DGLUCY: variants seen among roughly 807,000 people sequenced by gnomAD.
DGLUCY encodes the protein D-glutamate cyclase.
In DGLUCY, 58 loss-of-function variants were observed where a neutral mutation model predicts 58.5. The observed-to-expected ratio is 0.99, with a 90% CI of 0.80 to 1.23. DGLUCY has a LOEUF of 1.23. Ranked by LOEUF, DGLUCY falls within the 50% of genes most tolerant of loss-of-function variation. The pLI, the probability that DGLUCY is intolerant of heterozygous loss-of-function variation, is 0.00. For synonymous variants in DGLUCY, 325 were observed against 314.1 expected, an observed-to-expected ratio of 1.03 and a Z score of -0.37; for missense variants, 779 against 784.7, an observed-to-expected ratio of 0.99 and a Z score of 0.09.
At chr14:91,155,968 C>A (rs1158263481) in intron 1 of DGLUCY, among the ~76,000 whole-genome samples, 1 of 152,138 alleles carries the variant, frequency 6.6e-6, no homozygotes, top group African/African-American at 2.4e-5. Flanking sequence ...ACCACTGATA[C>A]CAAGCTCTTC....
chr14:91,087,208 G>A (rs182443346), intron 1 of DGLUCY, among the ~76,000 whole-genome samples: 22 of 152,282 alleles, frequency 1.4e-4, no homozygotes, highest in Admixed American at 4.6e-4. Context: ...CATCTTCTCT[G>A]TGCCTAGAAT....
rs139315321 is a variant in DGLUCY, at chr14:91,082,375, G to A, written c.-82+21671G>A. On this transcript the variant is annotated intron_variant, in intron 1 of 4. Transcript: ENST00000521334. ...TTCGCTTTGACTCTGTTGTTCTTGG[G>A]CTTGTGTTTGGAGGCCTTATCGAAA... Among the ~76,000 whole-genome samples the A allele has an allele frequency of 5.1e-4, 77 of 152,232 alleles. 1 individual carries two copies. The highest frequency in any genetic ancestry group is 1.8e-3 in the African/African-American group (74 of 41,544).
At chr14:91,084,028 G>T (rs2044170703) in intron 1 of DGLUCY, among the ~76,000 whole-genome samples, 1 of 152,062 alleles carries the variant, frequency 6.6e-6, no homozygotes, top group African/African-American at 2.4e-5. Flanking sequence ...GAGTTTCTCT[G>T]TCCTGTTCTT....
intron 9 of DGLUCY, among the ~76,000 whole-genome samples, chr14:91,190,860 G>A (rs535934006): frequency 6.6e-6 from 1 of 152,174 alleles, no homozygotes; most frequent in African/African-American, 2.4e-5. Flanking sequence ...TTCTGTGTGG[G>A]TTGTAAGCAA....
At chr14:91,188,852 T>A (rs1207493354) in intron 8 of DGLUCY, 58 bp from the exon 9 acceptor site, 3 of 1,510,992 alleles carry the variant, frequency 2.0e-6, no homozygotes, top group Non-Finnish European at 2.7e-6. Context: ...CATACATACA[T>A]ACATACAAAT....
chr14:91,154,820 G>A (rs1205241725), intron 1 of DGLUCY, among the ~76,000 whole-genome samples: 2 of 152,180 alleles, frequency 1.3e-5, no homozygotes, highest in East Asian at 1.9e-4. Flanking sequence ...AGTACCTTCT[G>A]TGATTTCCTG....
At chr14:91,196,905 C>T (rs1420970109) in intron 10 of DGLUCY, among the ~76,000 whole-genome samples, 1 of 152,098 alleles carries the variant, frequency 6.6e-6, no homozygotes, top group Non-Finnish European at 1.5e-5. Flanking sequence ...GGCAAGTACT[C>T]CCTCATAAGA....
upstream of DGLUCY, among the ~76,000 whole-genome samples, chr14:91,111,097 C>T (rs2044684474): frequency 6.6e-6 from 1 of 151,952 alleles, no homozygotes; most frequent in Non-Finnish European, 1.5e-5. Context: ...GGCTTATAAA[C>T]AACAGAAATT....
intron 3 of DGLUCY, among the ~76,000 whole-genome samples, chr14:91,161,915 A>G (rs2140353630): frequency 6.6e-6 from 1 of 151,982 alleles, no homozygotes; most frequent in South Asian, 2.1e-4. Context: ...GTCTACAGCA[A>G]CCTGTTATAT....
intron 4 of DGLUCY, among the ~76,000 whole-genome samples, chr14:91,169,755 A>G (rs1261521170): frequency 6.6e-6 from 1 of 151,584 alleles, no homozygotes; most frequent in African/African-American, 2.4e-5. Flanking sequence ...GCTTGCGGGT[A>G]TAGGAGACAC....
intron 1 of DGLUCY, among the ~76,000 whole-genome samples, chr14:91,101,727 A>G (rs559295744): frequency 5.3e-5 from 8 of 152,310 alleles, no homozygotes; most frequent in Admixed American, 3.9e-4. Flanking sequence ...CTTTCTGGGG[A>G]GGACAGGATC....
upstream of DGLUCY, among the ~76,000 whole-genome samples, chr14:91,109,736 C>T (rs2044662053): frequency 6.6e-6 from 1 of 152,190 alleles, no homozygotes; most frequent in Non-Finnish European, 1.5e-5. Context: ...GCCTCACGCT[C>T]ATGAGCTCAT....
chr14:91,080,092 A>G (rs1004801015), intron 1 of DGLUCY, among the ~76,000 whole-genome samples: 1 of 152,148 alleles, frequency 6.6e-6, no homozygotes, highest in Non-Finnish European at 1.5e-5. Context: ...ACTTAGCATC[A>G]TGTTTTCAAG....
intron 1 of DGLUCY, among the ~76,000 whole-genome samples, chr14:91,153,615 G>A (rs114677821): frequency 7.7e-4 from 118 of 152,280 alleles, no homozygotes; most frequent in African/African-American, 2.7e-3. Flanking sequence ...CCCTCCCTTG[G>A]GTGTGAGCCT....
chr14:91,064,410 C>A (rs1009773381), intron 1 of DGLUCY, among the ~76,000 whole-genome samples: 2 of 151,728 alleles, frequency 1.3e-5, no homozygotes, highest in Non-Finnish European at 2.9e-5. Flanking sequence ...ATGGGCAGAT[C>A]GCTTGAATTC....
chr14:91,122,710 C>G (rs559908586), intron 1 of DGLUCY, among the ~76,000 whole-genome samples: 1 of 140,856 alleles, frequency 7.1e-6, no homozygotes, highest in Admixed American at 7.9e-5. Context: ...TCAAGTGATT[C>G]TCCTGCCTCA....
chr14:91,085,911 A>G (rs914883462), intron 1 of DGLUCY, among the ~76,000 whole-genome samples: 29 of 152,172 alleles, frequency 1.9e-4, no homozygotes, highest in East Asian at 7.7e-4. Flanking sequence ...CCCCCAGGCC[A>G]TGTACCAGTA....
At chr14:91,164,013 G>A (rs2048135430) in intron 3 of DGLUCY, among the ~76,000 whole-genome samples, 1 of 152,012 alleles carries the variant, frequency 6.6e-6, no homozygotes, top group South Asian at 2.1e-4. Flanking sequence ...GCAGTGGCGC[G>A]ATCTCGGCTC....
intron 12 of DGLUCY, among the ~76,000 whole-genome samples, chr14:91,211,511 C>T (rs544215636): frequency 6.6e-6 from 1 of 152,276 alleles, no homozygotes; most frequent in African/African-American, 2.4e-5. Context: ...ATAGACAGCC[C>T]AGAAGTAGAC....
Sources: allele counts gnomAD v4.1 joint callset (sites outside exome capture counted in the v4.1 genomes callset), GRCh38; gene constraint gnomAD v4.1.1; transcripts MANE v1.5; gene names NCBI Gene and HGNC (gene_info 2026-07-23, HGNC 2026-07-21).